PTK2B: variants seen among roughly 807,000 people sequenced by gnomAD.
The protein encoded by PTK2B is protein tyrosine kinase 2 beta, also known as protein-tyrosine kinase 2-beta.
A neutral mutation model predicts 142.9 loss-of-function variants in PTK2B; 71 were observed. That is an observed-to-expected ratio of 0.50 (90% CI 0.41 to 0.61). The LOEUF (loss-of-function observed/expected upper bound fraction) is 0.61, where lower values mean the gene tolerates loss of function less well. PTK2B is among the 20% of genes least tolerant of loss of function. The pLI is 0.00. For synonymous variants in PTK2B, 519 were observed against 503.4 expected, an observed-to-expected ratio of 1.03 and a Z score of -0.42; for missense variants, 1,105 against 1,320.4, an observed-to-expected ratio of 0.84 and a Z score of 2.53.
intron 1 of PTK2B, among the ~76,000 whole-genome samples, chr8:27,367,696 T>A (rs951563732): frequency 5.9e-5 from 9 of 152,190 alleles, no homozygotes; most frequent in Non-Finnish European, 2.9e-5. Context: ...CAGCTTGGCT[T>A]CTGGTGAGGC....
chr8:27,385,105 T>TGAGG (rs1563239967), intron 1 of PTK2B, among the ~76,000 whole-genome samples: 21 of 152,002 alleles, frequency 1.4e-4, no homozygotes, highest in African/African-American at 5.1e-4. Context: ...ACTCTGCTCA[T>TGAGG]CCTCGGAGAC....
chr8:27,389,622 G>A (rs1323790623), intron 1 of PTK2B, among the ~76,000 whole-genome samples: 3 of 152,238 alleles, frequency 2.0e-5, no homozygotes, highest in Non-Finnish European at 4.4e-5. Context: ...TGGGTAATGG[G>A]TGCGGGGGTG....
chr8:27,442,801 A>G, intron 21 of PTK2B, 74 bp from the exon 22 acceptor site: 1 of 1,326,042 alleles, frequency 7.5e-7, no homozygotes, highest in South Asian at 1.2e-5. Flanking sequence ...GCCTCCACGA[A>G]GTACAAAGAG....
At chr8:27,379,864 T>A (rs961663757) in intron 1 of PTK2B, among the ~76,000 whole-genome samples, 1 of 152,102 alleles carries the variant, frequency 6.6e-6, no homozygotes, top group Non-Finnish European at 1.5e-5. Flanking sequence ...CCTCAGCCTC[T>A]TGAGTAACTG....
At chr8:27,448,000 GGTGCACACTTACCT>G (rs1811574028) in intron 24 of PTK2B, among the ~76,000 whole-genome samples, 1 of 152,264 alleles carries the variant, frequency 6.6e-6, no homozygotes, top group South Asian at 2.1e-4. Context: ...GATCAGACCA[GGTGCACACTTACCT>G]GTAATGCAAG....
At chr8:27,445,373 AC>A (rs2132330687) in intron 23 of PTK2B, among the ~76,000 whole-genome samples, 1 of 152,280 alleles carries the variant, frequency 6.6e-6, no homozygotes, top group African/African-American at 2.4e-5. Context: ...TGATCATACC[AC>A]TGCATCCCAG....
At position 27,397,545 on chromosome 8, in the gene PTK2B, C is replaced by T. The variant is rs769456606; in HGVS notation, c.-37-3C>T. ...CAGGGCTGACCCTCTGCTGTCTCTG[C>T]AGGACTGCAATGTGCCGATCTTAGC... On this transcript the variant is annotated splice_polypyrimidine_tract_variant and splice_region_variant and intron_variant, in intron 1 of 30. Coordinates refer to ENST00000346049, the MANE Select transcript of PTK2B (RefSeq NM_173176.3). 9.4e-6 allele frequency: 15 copies of T among 1,602,352 alleles called. No individual in the cohort carries two copies. The highest frequency in any genetic ancestry group is 1.0e-5 in the Non-Finnish European group (12 of 1,171,030).
chr8:27,434,435 G>C (rs1033595979), intron 12 of PTK2B, 78 bp from the exon 13 acceptor site: 2 of 1,450,146 alleles, frequency 1.4e-6, no homozygotes, highest in Non-Finnish European at 1.9e-6. Context: ...GGCAGGAGGA[G>C]AGGGCGGGCC....
intron 1 of PTK2B, among the ~76,000 whole-genome samples, chr8:27,356,502 C>T (rs958532976): frequency 2.0e-5 from 3 of 152,104 alleles, no homozygotes; most frequent in East Asian, 1.9e-4. Flanking sequence ...TCACTGCTCA[C>T]GAGGAATTCT....
At position 27,363,595 on chromosome 8, in the gene PTK2B, C is replaced by A. The variant is rs1376940599; in HGVS notation, c.-37-33953C>A. Among the ~76,000 whole-genome samples the A allele has an allele frequency of 1.3e-5, 2 of 152,092 alleles. No individual in the cohort carries two copies. The highest frequency in any genetic ancestry group is 2.9e-5 in the Non-Finnish European group (2 of 68,008). Reference sequence around the variant, plus strand: ...CTCTGACTGCTCTTGCTGCTCTGAGCCTCTTGATTCTGATTTGGGTCTACC... The same window carrying A: ...CTCTGACTGCTCTTGCTGCTCTGAGACTCTTGATTCTGATTTGGGTCTACC... On this transcript the variant is annotated intron_variant, in intron 1 of 30. Transcript: ENST00000346049. This position sits in a 1 kb window ranked among gnomAD's most constrained non-coding sequence, Gnocchi z 4.3.
chr8:27,344,362 C>G (rs2130222564), intron 1 of PTK2B, among the ~76,000 whole-genome samples: 1 of 152,308 alleles, frequency 6.6e-6, no homozygotes, highest in Non-Finnish European at 1.5e-5. Context: ...AGGTGTGGCC[C>G]CTCTACTTCC....
At chr8:27,336,379 GC>G (rs1260684552) in intron 1 of PTK2B, among the ~76,000 whole-genome samples, 1 of 151,960 alleles carries the variant, frequency 6.6e-6, no homozygotes, top group African/African-American at 2.4e-5. Flanking sequence ...GACAAACTAG[GC>G]CATAAGCCCT....
At position 27,456,107 on chromosome 8, in the gene PTK2B, C is replaced by CCATT. The variant is rs768171536; in HGVS notation, c.2814+1516_2814+1519dup. On this transcript the variant is annotated intron_variant, in intron 30 of 30. Coordinates refer to ENST00000346049, the MANE Select transcript of PTK2B (RefSeq NM_173176.3). The stretch of plus-strand genomic sequence containing the variant: ...AGCTCCTTACCCTTGGGATGCCAAC[C>CCATT]CATTCATTCATTCATTCATTCATCT... 1.1e-4 allele frequency among the ~76,000 whole-genome samples: 17 copies of CCATT among 152,322 alleles called. No individual in the cohort carries two copies. The East Asian group carries it at 1.5e-3, about 14-fold the overall frequency.
At chr8:27,451,138 A>G in intron 26 of PTK2B, 60 bp downstream of exon 26, 4 of 1,563,884 alleles carry the variant, frequency 2.6e-6, no homozygotes, top group South Asian at 1.1e-5. Context: ...CTCGCCCACC[A>G]TAGGACCCCC....
At chr8:27,369,208 C>T (rs1345637976) in intron 1 of PTK2B, among the ~76,000 whole-genome samples, 2 of 152,158 alleles carry the variant, frequency 1.3e-5, no homozygotes, top group Non-Finnish European at 2.9e-5. Context: ...AGACCTCTTC[C>T]TCCACACCCC....
chr8:27,311,383 G>A, upstream of PTK2B: 2 of 1,081,742 alleles, frequency 1.8e-6, no homozygotes, highest in Non-Finnish European at 2.5e-6. Flanking sequence ...CAATCGTGCG[G>A]GGGGGATGGC....
At position 27,431,422 on chromosome 8, in the gene PTK2B, C is replaced by T. The variant is rs1218957850; in HGVS notation, c.835C>T (p.Leu279=). The change falls in exon 9 of 31, where the codon CTG becomes TTG. Residue 279 remains leucine (L), a synonymous_variant. Coordinates refer to ENST00000346049, the MANE Select transcript of PTK2B (RefSeq NM_173176.3). ...GCAAGGATGGAACATTACTGTGGAC[C>T]TGGTCATTGGCCCTAAAGGGATCCG... ...LIQGWNITVD[L]VIGPKGIRQL... is the part of the protein sequence containing the mutation. 1.5e-5 allele frequency: 24 copies of T among 1,614,082 alleles called. No homozygotes were observed. Among genetic ancestry groups the T allele is most frequent in the Non-Finnish European group, 1.7e-5 (20 of 1,180,044 alleles).
intron 10 of PTK2B, 124 bp downstream of exon 10, chr8:27,432,485 A>T: frequency 1.2e-6 from 1 of 839,594 alleles, no homozygotes; most frequent in Non-Finnish European, 1.8e-6. Flanking sequence ...GGCTTTGGGG[A>T]TCGTGTTAAG....
upstream of PTK2B, chr8:27,311,052 CTTTGCACA>C: frequency 6.3e-7 from 1 of 1,598,828 alleles, no homozygotes; most frequent in African/African-American, 1.3e-5. Flanking sequence ...GACGCGCGGT[CTTTGCACA>C]CTGGGCAGGT....
Sources: allele counts gnomAD v4.1 joint callset (sites outside exome capture counted in the v4.1 genomes callset), GRCh38; gene constraint gnomAD v4.1.1; non-coding constraint Gnocchi (gnomAD v3.1); transcripts MANE v1.5; gene names NCBI Gene and HGNC (gene_info 2026-07-23, HGNC 2026-07-21).